Variants in SOX6 observed in about 807,000 individuals in gnomAD.
SOX6 encodes the protein transcription factor SOX-6.
A neutral mutation model predicts 97.8 loss-of-function variants in SOX6; 11 were observed. The ratio of observed to expected loss-of-function variants is 0.11; its 90% CI spans 0.07 to 0.19. The LOEUF (loss-of-function observed/expected upper bound fraction) is 0.19, where lower values mean the gene tolerates loss of function less well. Ranked by LOEUF, SOX6 falls within the 10% of genes least tolerant of loss-of-function variation. SOX6 has a pLI of 1.00. For missense variants in SOX6, 810 were observed against 1,039.5 expected (o/e 0.78, Z 3.04); for synonymous variants, 360 against 371.4 (o/e 0.97, Z 0.35).
At chr11:16,429,189 A>C (rs1484618715) in intron 1 of SOX6, among the ~76,000 whole-genome samples, 13 of 152,182 alleles carry the variant, frequency 8.5e-5, no homozygotes, top group Admixed American at 6.5e-5. Flanking sequence ...ATATTGGCGA[A>C]GTTGTGGAGA....
intron 4 of SOX6, among the ~76,000 whole-genome samples, chr11:16,567,741 T>TG (rs1847890768): frequency 6.8e-6 from 1 of 148,008 alleles, no homozygotes; most frequent in Admixed American, 6.7e-5. Context: ...TGATTTTTTT[T>TG]TTTTTTTGTA....
At chr11:16,530,899 G>A (rs1349838650) in intron 4 of SOX6, among the ~76,000 whole-genome samples, 2 of 149,760 alleles carry the variant, frequency 1.3e-5, no homozygotes, top group Admixed American at 6.7e-5. Context: ...AAACTAAGGA[G>A]AGATATAGGA....
chr11:16,125,578 T>C (rs2134012598), intron 6 of SOX6, among the ~76,000 whole-genome samples: 1 of 152,148 alleles, frequency 6.6e-6, no homozygotes, highest in East Asian at 1.9e-4. Flanking sequence ...AGTAATTCAC[T>C]TCTCATGATA....
At chr11:16,327,548 CT>C (rs1856139926) in intron 2 of SOX6, among the ~76,000 whole-genome samples, 1 of 152,090 alleles carries the variant, frequency 6.6e-6, no homozygotes, top group South Asian at 2.1e-4. Context: ...TTATAATTTG[CT>C]TTTTCTAGGA....
chr11:16,628,508 C>T (rs1285655363), intron 3 of SOX6, among the ~76,000 whole-genome samples: 2 of 151,448 alleles, frequency 1.3e-5, no homozygotes, highest in African/African-American at 2.4e-5. Flanking sequence ...CACCAGTAGT[C>T]GCAGCTACTT....
intron 6 of SOX6, among the ~76,000 whole-genome samples, chr11:16,127,914 A>C (rs1481064667): frequency 6.6e-6 from 1 of 152,194 alleles, no homozygotes; most frequent in Non-Finnish European, 1.5e-5. Flanking sequence ...TTCAAGTTCA[A>C]ACTTGGCTTC....
intron 3 of SOX6, among the ~76,000 whole-genome samples, chr11:16,242,955 C>A (rs1237790684): frequency 1.3e-5 from 2 of 151,774 alleles, no homozygotes; most frequent in Non-Finnish European, 2.9e-5. Flanking sequence ...ATGAGTACAC[C>A]AAGCATGCCT....
chr11:16,359,988 G>GCTCTCATTTT (rs1167401630), upstream of SOX6, among the ~76,000 whole-genome samples: 2 of 152,160 alleles, frequency 1.3e-5, no homozygotes, highest in African/African-American at 4.8e-5. Flanking sequence ...AGAGAGAAGA[G>GCTCTCATTTT]ATTCAAGTGA....
At chr11:16,254,614 G>C (rs1189035344) in intron 3 of SOX6, among the ~76,000 whole-genome samples, 1 of 151,672 alleles carries the variant, frequency 6.6e-6, no homozygotes, top group Non-Finnish European at 1.5e-5. Context: ...CCACTTAAAA[G>C]AAGTATAACT....
chr11:16,349,680 GGAAGGA>G (rs1565105550), intron 1 of SOX6, among the ~76,000 whole-genome samples: 1,254 of 61,136 alleles, frequency 0.021, 42 homozygotes, highest in African/African-American at 0.061. Context: ...GAGGGAGGAA[GGAAGGA>G]AGGAAGGAAG....
At chr11:16,034,626 G>A (rs1855469061) in intron 12 of SOX6, among the ~76,000 whole-genome samples, 1 of 152,142 alleles carries the variant, frequency 6.6e-6, no homozygotes, top group African/African-American at 2.4e-5. Flanking sequence ...AGGCCAACCA[G>A]CTGAAAATGA....
intron 1 of SOX6, among the ~76,000 whole-genome samples, chr11:16,376,682 A>G (rs753997467): frequency 1.8e-4 from 27 of 152,284 alleles, no homozygotes; most frequent in Admixed American, 4.6e-4. Context: ...AAATGAGGAA[A>G]GAATTCCTCA....
rs375431218 is a variant in SOX6 at position 16,415,057 on chromosome 11, T to C, written c.-5+61258A>G. 3.3e-5 allele frequency among the ~76,000 whole-genome samples: 5 copies of C among 152,112 alleles called. No individual in the cohort carries two copies. In the East Asian group the frequency reaches 7.7e-4, roughly 23 times the overall value. ...TGTATTGGGCATTATATGCAGAAGG[T>C]ACCCAAGATACATGTTCTTTTTTCA... On this transcript the variant is annotated intron_variant, in intron 1 of 15. Transcript: ENST00000396356.
chr11:16,584,508 T>C (rs562161286), intron 4 of SOX6, among the ~76,000 whole-genome samples: 2 of 152,284 alleles, frequency 1.3e-5, no homozygotes, highest in South Asian at 2.1e-4. Flanking sequence ...GGTGAACACA[T>C]AGATGCCCCC....
chr11:16,656,555 C>T (rs1847719750), intron 3 of SOX6, among the ~76,000 whole-genome samples: 1 of 152,136 alleles, frequency 6.6e-6, no homozygotes, highest in Non-Finnish European at 1.5e-5. Context: ...TAGAGAGTTT[C>T]ACATACTATA....
At chr11:16,395,356 G>A (rs1445832277) in intron 1 of SOX6, among the ~76,000 whole-genome samples, 1 of 151,818 alleles carries the variant, frequency 6.6e-6, no homozygotes, top group East Asian at 1.9e-4. Context: ...ATTGGAAGGA[G>A]CAAGGAGGGT....
At chr11:16,176,226 C>T (rs1851182730) in intron 6 of SOX6, among the ~76,000 whole-genome samples, 1 of 151,992 alleles carries the variant, frequency 6.6e-6, no homozygotes, top group South Asian at 2.1e-4. Flanking sequence ...ATTCTGATTA[C>T]CCACTAGAAT....
At chr11:16,637,206 G>C (rs1848803610) in intron 3 of SOX6, among the ~76,000 whole-genome samples, 1 of 151,864 alleles carries the variant, frequency 6.6e-6, no homozygotes, top group African/African-American at 2.4e-5. Context: ...TCTTATTCCA[G>C]CTTCTTCAGC....
At chr11:16,674,476 C>G (rs899473145) in intron 3 of SOX6, among the ~76,000 whole-genome samples, 1 of 152,214 alleles carries the variant, frequency 6.6e-6, no homozygotes, top group African/African-American at 2.4e-5. Context: ...AGCCTTTTAT[C>G]TTTAATCTGA....
Sources: allele counts gnomAD v4.1 joint callset (sites outside exome capture counted in the v4.1 genomes callset), GRCh38; gene constraint gnomAD v4.1.1; transcripts MANE v1.5; gene names NCBI Gene and HGNC (gene_info 2026-07-23, HGNC 2026-07-21).